Variants in STRBP observed in about 807,000 individuals in gnomAD.
The protein encoded by STRBP is spermatid perinuclear RNA binding protein.
In STRBP, 13 loss-of-function variants were observed where a neutral mutation model predicts 80.1. The ratio of observed to expected loss-of-function variants is 0.16; its 90% CI spans 0.11 to 0.26. The LOEUF (loss-of-function observed/expected upper bound fraction) is 0.26. STRBP is among the 10% of genes least tolerant of loss of function. The pLI is 1.00. For synonymous variants in STRBP, 284 were observed against 291.2 expected (o/e 0.98, Z 0.25); for missense variants, 485 against 815.2 (o/e 0.59, Z 4.93).
intron 6 of STRBP, 108 bp downstream of exon 6, chr9:123,169,794 G>T: frequency 1.6e-6 from 1 of 618,132 alleles, no homozygotes. Context: ...ACAAATGAAG[G>T]CTGTTATTTC....
chr9:123,116,245 G>A (rs919734310), intron 2 of STRBP: 5 of 363,448 alleles, frequency 1.4e-5, no homozygotes, highest in African/African-American at 6.4e-5. Flanking sequence ...TTTGAAGGCC[G>A]AGCCAGGAAC....
At position 123,122,501 on chromosome 9, in the gene STRBP, A is replaced by G; in HGVS notation, c.*3096T>C. 8.4e-7 allele frequency: 1 copy of G among 1,187,994 alleles called. No homozygotes were observed. Among genetic ancestry groups the G allele is most frequent in the Non-Finnish European group, 1.1e-6 (1 of 946,820 alleles). 73.6% of individuals were successfully genotyped at this position (1,187,994 alleles called of 1,614,324 possible). A position where few individuals can be genotyped will look rare whatever the true frequency, so the allele number is the denominator to read the frequency against. ...AAAATCTCTCAGTGGTTTGTTCCCC[A>G]GGCTAACAATTTGAGAGAGACTACA... On this transcript the variant is annotated 3_prime_UTR_variant, in exon 19 of 19. Coordinates refer to ENST00000348403, the MANE Select transcript of STRBP (RefSeq NM_018387.5).
At chr9:123,162,789 A>C (rs975572705) in intron 6 of STRBP, among the ~76,000 whole-genome samples, 1 of 152,256 alleles carries the variant, frequency 6.6e-6, no homozygotes, top group African/African-American at 2.4e-5. Flanking sequence ...ACTCTGATTT[A>C]TAAATATAAA....
Position 123,122,273 on chromosome 9 carries a change from G to A in STRBP, c.*3324C>T. ...AGTGATATGGCTACGAAGGTCCGAG[G>A]AGAACGAGAATAAAGTGAGATAAAC... On this transcript the variant is annotated 3_prime_UTR_variant, in exon 19 of 19. Transcript: ENST00000348403. The A allele has an allele frequency of 8.0e-7, 1 of 1,250,334 alleles. No homozygotes were observed. The highest frequency in any genetic ancestry group is 2.2e-4 in the Middle Eastern group (1 of 4,610). The allele number at this position is 1,250,334 out of a possible 1,614,324, so 77.5% of individuals were successfully genotyped here.
chr9:123,176,083 G>A (rs2038205963), intron 4 of STRBP, among the ~76,000 whole-genome samples: 1 of 152,218 alleles, frequency 6.6e-6, no homozygotes, highest in Non-Finnish European at 1.5e-5. Flanking sequence ...GAGTGGTAGT[G>A]AGAATATATG....
At chr9:123,181,905 TTTTC>T (rs1380939521) in intron 3 of STRBP, among the ~76,000 whole-genome samples, 1 of 145,302 alleles carries the variant, frequency 6.9e-6, no homozygotes, top group East Asian at 2.1e-4. Context: ...TCTAAACAGA[TTTTC>T]TTTAAGTATT....
intron 4 of STRBP, among the ~76,000 whole-genome samples, chr9:123,174,086 T>G (rs2038119403): frequency 6.6e-6 from 1 of 152,214 alleles, no homozygotes; most frequent in East Asian, 1.9e-4. Flanking sequence ...TTTATATTGC[T>G]TAAGAAAACT....
intron 2 of STRBP, among the ~76,000 whole-genome samples, chr9:123,229,605 T>C (rs1298526750): frequency 6.6e-6 from 1 of 152,188 alleles, no homozygotes; most frequent in Non-Finnish European, 1.5e-5. Flanking sequence ...GAGTAGTTGA[T>C]AGAGGATAAT....
At chr9:123,189,844 T>C (rs762183459) in intron 2 of STRBP, among the ~76,000 whole-genome samples, 1 of 152,074 alleles carries the variant, frequency 6.6e-6, no homozygotes, top group Non-Finnish European at 1.5e-5. Context: ...ACTTAAAGTA[T>C]AATAAAAATA....
chr9:123,199,359 G>C (rs192514119), intron 2 of STRBP, among the ~76,000 whole-genome samples: 1 of 152,170 alleles, frequency 6.6e-6, no homozygotes, highest in Admixed American at 6.5e-5. Flanking sequence ...CTTTGACTAC[G>C]CAGGCTCTTT....
At chr9:123,116,071 T>C (rs1389788916) in exon 3 of STRBP, 1 of 456,162 alleles carries the variant, frequency 2.2e-6, no homozygotes, top group African/African-American at 2.0e-5. Context: ...TCCCAGATGA[T>C]GGCTACCATA....
intron 11 of STRBP, among the ~76,000 whole-genome samples, chr9:123,153,523 C>T (rs1420056581): frequency 6.6e-6 from 1 of 152,054 alleles, no homozygotes; most frequent in African/African-American, 2.4e-5. Context: ...GATTTGCTGA[C>T]GTTTGGGATA....
At chr9:123,244,214 A>G (rs2040754546) in intron 1 of STRBP, among the ~76,000 whole-genome samples, 1 of 152,236 alleles carries the variant, frequency 6.6e-6, no homozygotes, top group Non-Finnish European at 1.5e-5. Flanking sequence ...TGAAAAGGTC[A>G]GATACTATAT....
rs555917607 is a variant in STRBP at position 123,134,593 on chromosome 9, A to G, written c.1773+1448T>C. Among the ~76,000 whole-genome samples the G allele has an allele frequency of 5.3e-5, 8 of 152,372 alleles. No homozygotes were observed. The East Asian group carries it at 1.5e-3, about 29-fold the overall frequency. Reference sequence around the variant, plus strand: ...ATAGTATGGAAAATTTCTAAAAATGAGTGAACTTCATGTAGACATCTTTCT... The same window carrying G: ...ATAGTATGGAAAATTTCTAAAAATGGGTGAACTTCATGTAGACATCTTTCT... On this transcript the variant is annotated intron_variant, in intron 16 of 18. Transcript: ENST00000348403.
chr9:123,204,725 G>C (rs1321670939), intron 2 of STRBP, among the ~76,000 whole-genome samples: 1 of 151,034 alleles, frequency 6.6e-6, no homozygotes, highest in Non-Finnish European at 1.5e-5. Flanking sequence ...AGACCATCCT[G>C]GCTAACACAG....
chr9:123,253,272 A>G (rs2040954377), intron 1 of STRBP, among the ~76,000 whole-genome samples: 1 of 152,236 alleles, frequency 6.6e-6, no homozygotes, highest in African/African-American at 2.4e-5. Context: ...TGTTCATGAT[A>G]ATGTCCATAA....
At chr9:123,225,919 C>T (rs750167347) in intron 2 of STRBP, among the ~76,000 whole-genome samples, 1 of 152,144 alleles carries the variant, frequency 6.6e-6, no homozygotes, top group Non-Finnish European at 1.5e-5. Context: ...AAGTTAAATT[C>T]ACTTATCATA....
intron 1 of STRBP, among the ~76,000 whole-genome samples, chr9:123,265,217 C>T (rs987620504): frequency 6.6e-6 from 1 of 151,826 alleles, no homozygotes; most frequent in African/African-American, 2.4e-5. Flanking sequence ...TTTATATTAA[C>T]GGATTCCGAT....
intron 6 of STRBP, among the ~76,000 whole-genome samples, chr9:123,165,570 C>G (rs2037719735): frequency 6.6e-6 from 1 of 152,120 alleles, no homozygotes; most frequent in Non-Finnish European, 1.5e-5. Context: ...CTGTAGTTTC[C>G]TTATCCACCT....
Sources: allele counts gnomAD v4.1 joint callset (sites outside exome capture counted in the v4.1 genomes callset), GRCh38; gene constraint gnomAD v4.1.1; transcripts MANE v1.5; gene names NCBI Gene and HGNC (gene_info 2026-07-23, HGNC 2026-07-21).